Variants in NEK2 observed in about 807,000 individuals in gnomAD.
NEK2 encodes the protein serine/threonine-protein kinase Nek2.
A neutral mutation model predicts 54.1 loss-of-function variants in NEK2; 28 were observed. The ratio of observed to expected loss-of-function variants is 0.52; its 90% CI spans 0.38 to 0.71. The LOEUF is 0.71. Ranked by LOEUF, NEK2 falls within the 30% of genes least tolerant of loss-of-function variation. The pLI, the probability that NEK2 is intolerant of heterozygous loss-of-function variation, is 0.00. For synonymous variants in NEK2, 176 were observed against 193.1 expected (o/e 0.91, Z 0.73); for missense variants, 407 against 531.5 (o/e 0.77, Z 2.30).
At chr1:211,659,280 G>T (rs1403435051), downstream of NEK2, among the ~76,000 whole-genome samples, 1 of 152,038 alleles carries the variant, frequency 6.6e-6, no homozygotes, top group East Asian at 1.9e-4. Context: ...CTGGATTATG[G>T]GCAATTGCAT....
chr1:211,663,325 G>A lies in NEK2; in HGVS notation c.*101C>T, dbSNP rs1418642740. The stretch of plus-strand genomic sequence containing the variant: ...TCATGTGTACTATACAGAAAGGCAT[G>A]GCTCATGGAACCAAGTATTCAACAC... On this transcript the variant is annotated 3_prime_UTR_variant, in exon 8 of 8. Coordinates refer to ENST00000366999, the MANE Select transcript of NEK2 (RefSeq NM_002497.4). 6.7e-7 allele frequency: 1 copy of A among 1,500,646 alleles called. No homozygotes were observed. Among genetic ancestry groups the A allele is most frequent in the East Asian group, 2.5e-5 (1 of 40,390 alleles). 93.0% of individuals were successfully genotyped at this position (1,500,646 alleles called of 1,614,324 possible).
At chr1:211,668,498 A>C (rs1655249119) in intron 6 of NEK2, among the ~76,000 whole-genome samples, 1 of 152,152 alleles carries the variant, frequency 6.6e-6, no homozygotes, top group East Asian at 1.9e-4. Context: ...AACTGCCTGA[A>C]CAGACCAGGT....
chr1:211,671,769 C>G (rs2102445730), intron 3 of NEK2, among the ~76,000 whole-genome samples: 1 of 152,338 alleles, frequency 6.6e-6, no homozygotes, highest in Middle Eastern at 3.4e-3. Flanking sequence ...TCTTCCACAT[C>G]TACAGTAACA....
chr1:211,671,080 G>C (rs1274658054), intron 4 of NEK2, 122 bp downstream of exon 4: 3 of 727,486 alleles, frequency 4.1e-6, no homozygotes, highest in Non-Finnish European at 7.2e-6. Context: ...ATTTTACCCA[G>C]GGTACAATTC....
chr1:211,671,717 G>A (rs931894634), intron 3 of NEK2, among the ~76,000 whole-genome samples: 1 of 152,226 alleles, frequency 6.6e-6, no homozygotes, highest in African/African-American at 2.4e-5. Flanking sequence ...ATAAATCACA[G>A]TAGTAACTAA....
At chr1:211,669,052 A>G in intron 6 of NEK2, 61 bp downstream of exon 6, 1 of 1,388,766 alleles carries the variant, frequency 7.2e-7, no homozygotes, top group East Asian at 2.3e-5. Context: ...AGAGATATTC[A>G]GACACATCAA....
chr1:211,663,416 C>T lies in NEK2; in HGVS notation c.*10G>A. The T allele has an allele frequency of 6.2e-7, 1 of 1,606,020 alleles. No individual in the cohort carries two copies. Among genetic ancestry groups the T allele is most frequent in the South Asian group, 1.1e-5 (1 of 89,906 alleles). Reference sequence around the variant, plus strand: ...ACATCCTGTACACAGCTCTGTGTCTCTCTACCTGGCTAGCGCATGCCCAGG... The same window carrying T: ...ACATCCTGTACACAGCTCTGTGTCTTTCTACCTGGCTAGCGCATGCCCAGG... On this transcript the variant is annotated 3_prime_UTR_variant, in exon 8 of 8. Coordinates refer to ENST00000366999, the MANE Select transcript of NEK2 (RefSeq NM_002497.4).
intron 1 of NEK2, 66 bp downstream of exon 1, chr1:211,675,318 C>T (rs757610150): frequency 6.9e-7 from 1 of 1,453,628 alleles, no homozygotes; most frequent in Non-Finnish European, 9.6e-7. Flanking sequence ...TTCGGTGGCG[C>T]AGGGCGCTCG....
downstream of NEK2, among the ~76,000 whole-genome samples, chr1:211,658,315 A>T (rs564082867): frequency 1.0e-3 from 156 of 152,208 alleles, no homozygotes; most frequent in African/African-American, 3.6e-3. Context: ...ATGTATTTAC[A>T]TTTTTAAAGG....
At chr1:211,673,414 A>G (rs937676185) in intron 3 of NEK2, 69 bp downstream of exon 3, 46 of 1,590,430 alleles carry the variant, frequency 2.9e-5, no homozygotes, top group Non-Finnish European at 3.4e-5. Context: ...ACTCTGTCTC[A>G]AAAACAAACA....
intron 3 of NEK2, among the ~76,000 whole-genome samples, chr1:211,673,073 A>C (rs785318): frequency 1.3e-5 from 2 of 150,992 alleles, no homozygotes; most frequent in Non-Finnish European, 2.9e-5. Context: ...ATTACTAAAC[A>C]AACAGAAAAC....
chr1:211,668,882 C>T (rs1655263028), intron 6 of NEK2, among the ~76,000 whole-genome samples: 1 of 152,108 alleles, frequency 6.6e-6, no homozygotes, highest in Admixed American at 6.6e-5. Context: ...ACAGTTAAGG[C>T]CCAATAATAT....
At chr1:211,666,235 A>C (rs1001549266) in intron 7 of NEK2, among the ~76,000 whole-genome samples, 12 of 152,376 alleles carry the variant, frequency 7.9e-5, no homozygotes, top group African/African-American at 2.9e-4. Flanking sequence ...GAATATCTAT[A>C]TACCAGACTT....
At chr1:211,667,016 A>G (rs1411367854) in intron 7 of NEK2, 90 bp downstream of exon 7, 4 of 1,557,792 alleles carry the variant, frequency 2.6e-6, no homozygotes, top group Non-Finnish European at 3.4e-6. Context: ...TGTAAATGAA[A>G]AGGGCTACCT....
rs56354171 is a variant in NEK2, at chr1:211,663,410, G to C, written c.*16C>G. On this transcript the variant is annotated 3_prime_UTR_variant, in exon 8 of 8. Coordinates refer to ENST00000366999, the MANE Select transcript of NEK2 (RefSeq NM_002497.4). ...AATATTACATCCTGTACACAGCTCT[G>C]TGTCTCTCTACCTGGCTAGCGCATG... is the stretch of plus-strand genomic sequence containing the variant. The C allele has an allele frequency of 1.9e-6, 3 of 1,603,014 alleles. No homozygotes were observed. The highest frequency in any genetic ancestry group is 2.2e-5 in the South Asian group (2 of 89,642).
chr1:211,673,808 TA>T, intron 2 of NEK2, 85 bp from the exon 3 acceptor site: 1 of 1,286,968 alleles, frequency 7.8e-7, no homozygotes, highest in Non-Finnish European at 1.1e-6. Flanking sequence ...AGTGTACAAA[TA>T]GGGAATTTAT....
chr1:211,675,402 C>T lies in NEK2; in HGVS notation c.78G>A (p.Arg26=). 2 of 1,613,904 alleles carry T rather than the reference C, an allele frequency of 1.2e-6. No homozygotes were observed. The highest frequency in any genetic ancestry group is 1.7e-6 in the Non-Finnish European group (2 of 1,179,780). The stretch of plus-strand genomic sequence containing the variant: ...CGCTCACCTTGCCATCACTCTTCCT[C>T]CGGATCTTCTGGCAGCGGCCGTAGG... The part of the protein sequence containing the change: ...TGSYGRCQKI[R]RKSDGKILVW... Residue 26 remains arginine (R), a synonymous_variant, in exon 1 of 8, where the codon CGG becomes CGA. Coordinates refer to ENST00000366999, the MANE Select transcript of NEK2 (RefSeq NM_002497.4).
At position 211,675,403 on chromosome 1, in the gene NEK2, C is replaced by A. The variant is rs369153129; in HGVS notation, c.77G>T (p.Arg26Leu). 3 of 1,613,914 alleles carry A rather than the reference C, an allele frequency of 1.9e-6. No individual in the cohort carries two copies. Among genetic ancestry groups the A allele is most frequent in the Non-Finnish European group, 2.5e-6 (3 of 1,179,784 alleles). ...TGSYGRCQKIRRKSDGKILVW... is the reference protein window; with the variant it reads ...TGSYGRCQKILRKSDGKILVW... The stretch of plus-strand genomic sequence containing the variant: ...GCTCACCTTGCCATCACTCTTCCTC[C>A]GGATCTTCTGGCAGCGGCCGTAGGA... Residue 26 changes from arginine (R) to leucine (L), a missense_variant, in exon 1 of 8, where the codon CGG becomes CTG. Coordinates refer to ENST00000366999, the MANE Select transcript of NEK2 (RefSeq NM_002497.4).
In NEK2 at chr1:211,675,513, G is replaced by C; in HGVS notation, c.-34C>G. The C allele has an allele frequency of 3.2e-6, 5 of 1,580,136 alleles. No individual in the cohort carries two copies. Among genetic ancestry groups the C allele is most frequent in the Non-Finnish European group, 2.6e-6 (3 of 1,151,386 alleles). On this transcript the variant is annotated 5_prime_UTR_variant, in exon 1 of 8. Transcript: ENST00000366999. ...AGTCGCCAGAGTCGCGCTGCCTCAC[G>C]CAGGTTGCGCCGCCAAGTGCGGAGC...
Sources: gnomAD v4.1 joint callset for allele counts (sites outside exome capture counted in the v4.1 genomes callset) on GRCh38, gnomAD v4.1.1 for gene constraint, MANE v1.5 for transcripts, NCBI Gene and HGNC (gene_info 2026-07-23, HGNC 2026-07-21) for gene names.